ACP2: variants seen among roughly 807,000 people sequenced by gnomAD.
ACP2 encodes the protein acid phosphatase 2, lysosomal.
ACP2 carries 35 observed loss-of-function variants against 54.7 expected under a neutral mutation model. That is an observed-to-expected ratio of 0.64 (90% CI 0.49 to 0.85). ACP2 has a LOEUF of 0.85. Among genes scored for constraint, ACP2 ranks in the 40% least tolerant of loss-of-function variants. The pLI is 0.00. For missense variants in ACP2, 492 were observed against 565.0 expected (o/e 0.87, Z 1.31); for synonymous variants, 210 against 224.4 (o/e 0.94, Z 0.57).
Position 47,246,119 on chromosome 11 carries a change from A to G in ACP2, c.298-285T>C, listed in dbSNP as rs1182533242. On this transcript the variant is annotated intron_variant, in intron 3 of 10. Transcript: ENST00000672073. ...CACTCTGTGAAGAACTCTTGTGGGA[A>G]TGGCCTTAGTTGAAATGCCCCTTCC... 2.0e-5 allele frequency among the ~76,000 whole-genome samples: 3 copies of G among 152,296 alleles called. No homozygotes were observed. The East Asian group carries it at 5.8e-4, about 29-fold the overall frequency.
intron 8 of ACP2, 32 bp downstream of exon 8, chr11:47,243,207 G>A: frequency 6.2e-7 from 1 of 1,613,754 alleles, no homozygotes; most frequent in South Asian, 1.1e-5. Context: ...CTCCTTGCCT[G>A]ACACAGCACG....
chr11:47,245,894 T>C (rs1954060341), intron 3 of ACP2, 60 bp from the exon 4 acceptor site: 6 of 1,172,462 alleles, frequency 5.1e-6, no homozygotes, highest in South Asian at 1.8e-5. Flanking sequence ...GTTGGGGAAG[T>C]TTTGGTCACC....
In ACP2 at chr11:47,245,448, T is replaced by C. The variant is rs1954032621; in HGVS notation, c.549+26A>G. On this transcript the variant is annotated intron_variant, in intron 5 of 10. Transcript: ENST00000672073. Reference sequence around the variant, plus strand: ...CTGCTCTGGGGAAAAGACAGCGTGGTGAGCTGCACCTCTGCCCCCACTCAC... The same window carrying C: ...CTGCTCTGGGGAAAAGACAGCGTGGCGAGCTGCACCTCTGCCCCCACTCAC... 4 of 1,614,070 alleles carry C rather than the reference T, an allele frequency of 2.5e-6. No homozygotes were observed. The African/African-American group carries it at 4.0e-5, about 16-fold the overall frequency.
intron 1 of ACP2, chr11:47,248,359 G>A (rs1954296052): frequency 4.5e-6 from 6 of 1,324,914 alleles, no homozygotes; most frequent in Non-Finnish European, 6.2e-6. Flanking sequence ...GGTACAGGTA[G>A]GAAGGGAAAA....
In ACP2 at chr11:47,245,545, G is replaced by C. The variant is rs1232431082; in HGVS notation, c.478C>G (p.Pro160Ala). 1.2e-6 allele frequency: 2 copies of C among 1,614,210 alleles called. No homozygotes were observed. Among genetic ancestry groups the C allele is most frequent in the Non-Finnish European group, 1.7e-6 (2 of 1,180,036 alleles). Reference sequence around the variant, plus strand: ...TCGTTCTGCAGCTGCTCATAACGGGGACATGGGCCCAACGGGAACTTCAGC... The same window carrying C: ...TCGTTCTGCAGCTGCTCATAACGGGCACATGGGCCCAACGGGAACTTCAGC... ...RLLKFPLGPC[P>A]RYEQLQNETR... The change falls in exon 5 of 11, where the codon CCC becomes GCC. Residue 160 changes from proline to alanine, a missense_variant. Physicochemically the swap from Pro to Ala is conservative, Grantham distance 27. Transcript: ENST00000672073.
chr11:47,244,121 A>C (rs1459326886), intron 7 of ACP2, among the ~76,000 whole-genome samples: 1 of 151,208 alleles, frequency 6.6e-6, no homozygotes, highest in Non-Finnish European at 1.5e-5. Context: ...TGGGTGACAG[A>C]GCAAGACTCT....
intron 3 of ACP2, among the ~76,000 whole-genome samples, chr11:47,247,104 C>T (rs1954152233): frequency 6.6e-6 from 1 of 152,140 alleles, no homozygotes; most frequent in South Asian, 2.1e-4. Context: ...CACCAGTCCT[C>T]CCTGATGTGC....
intron 10 of ACP2, among the ~76,000 whole-genome samples, chr11:47,240,690 G>C (rs1023147835): frequency 6.6e-6 from 1 of 152,120 alleles, no homozygotes; most frequent in African/African-American, 2.4e-5. Context: ...GCATGGTGGT[G>C]TGCACCTGTA....
chr11:47,245,356 T>C lies in ACP2; in HGVS notation c.588A>G (p.Thr196=). The C allele has an allele frequency of 6.2e-7, 1 of 1,614,158 alleles. No homozygotes were observed. ...TCCAGACGGTCTCCAGTGTCAGGTC[T>C]GTAAGCCCTGTCTCGTTGGCCACCA... ...LDMVANETGL[T]DLTLETVWNV... The change falls in exon 6 of 11, where the codon ACA becomes ACG. Residue 196 remains threonine, a synonymous_variant. Coordinates refer to ENST00000672073, the MANE Select transcript of ACP2 (RefSeq NM_001610.4).
chr11:47,244,620 T>C (rs1953985491), intron 7 of ACP2, 115 bp downstream of exon 7: 2 of 782,474 alleles, frequency 2.6e-6, no homozygotes, highest in Admixed American at 5.4e-5. Context: ...GATTTGGTTT[T>C]GAAAGAGCAG....
Position 47,248,153 on chromosome 11 carries a change from T to G in ACP2, c.115-20A>C. ...GTACAGCTGAGAGAATAAAATGGTT[T>G]GCCTATAGGTCAGAAGCATCCCCTT... On this transcript the variant is annotated intron_variant, in intron 1 of 10. Coordinates refer to ENST00000672073, the MANE Select transcript of ACP2 (RefSeq NM_001610.4). 6.3e-7 allele frequency: 1 copy of G among 1,578,960 alleles called. No homozygotes were observed. Among genetic ancestry groups the G allele is most frequent in the Non-Finnish European group, 8.6e-7 (1 of 1,165,042 alleles).
At chr11:47,242,230 T>C (rs1199435236) in intron 10 of ACP2, among the ~76,000 whole-genome samples, 5 of 152,202 alleles carry the variant, frequency 3.3e-5, no homozygotes, top group Non-Finnish European at 7.3e-5. Context: ...GACACAAGAC[T>C]GTCTAATGTG....
rs1953823877 is a variant in ACP2 at position 47,239,892 on chromosome 11, A to C, written c.*224T>G. 1 of 537,518 alleles carries C rather than the reference A, an allele frequency of 1.9e-6. No individual in the cohort carries two copies. Among genetic ancestry groups the C allele is most frequent in the African/African-American group, 1.9e-5 (1 of 52,256 alleles). The allele number at this position is 537,518 out of a possible 1,614,324, so 33.3% of individuals were successfully genotyped here. ...CGTGGAGGAGGCAAATCCTGTTTGG[A>C]GAAAGCCAGTGTCCAACACAGCACT... On this transcript the variant is annotated 3_prime_UTR_variant, in exon 11 of 11. Coordinates refer to ENST00000672073, the MANE Select transcript of ACP2 (RefSeq NM_001610.4).
At position 47,239,815 on chromosome 11, in the gene ACP2, T is replaced by C. The variant is rs1473404313; in HGVS notation, c.*301A>G. On this transcript the variant is annotated 3_prime_UTR_variant, in exon 11 of 11. Transcript: ENST00000672073. ...CACCAACTCTGCCATTTTCTAATCC[T>C]AGGTCCTGAGTGAACACTGACTGCC... 5.8e-6 allele frequency: 2 copies of C among 345,914 alleles called. No individual in the cohort carries two copies. 21.4% of individuals were successfully genotyped at this position (345,914 alleles called of 1,614,324 possible). A position where few individuals can be genotyped will look rare whatever the true frequency, so the allele number is the denominator to read the frequency against.
chr11:47,244,723 C>T lies in ACP2; in HGVS notation c.772+12G>A. 1 of 1,594,990 alleles carries T rather than the reference C, an allele frequency of 6.3e-7. No individual in the cohort carries two copies. The highest frequency in any genetic ancestry group is 8.6e-7 in the Non-Finnish European group (1 of 1,168,008). On this transcript the variant is annotated intron_variant, in intron 7 of 10. Transcript: ENST00000672073. ...CTGAGGAGTAGAGTGACACGCTGTC[C>T]TTGTCACTCACCCCCCTGAAGCCGG...
chr11:47,240,090 G>A lies in ACP2; in HGVS notation c.*26C>T, dbSNP rs749519376. On this transcript the variant is annotated 3_prime_UTR_variant, in exon 11 of 11. Coordinates refer to ENST00000672073, the MANE Select transcript of ACP2 (RefSeq NM_001610.4). Reference sequence around the variant, plus strand: ...GGGCCCAGCCCACCTCCCCTAGGAGGTGGAGGGAAGGGGGCTGAGTGGTTG... The same window carrying A: ...GGGCCCAGCCCACCTCCCCTAGGAGATGGAGGGAAGGGGGCTGAGTGGTTG... 5.8e-5 allele frequency: 94 copies of A among 1,607,834 alleles called. No individual in the cohort carries two copies. Among genetic ancestry groups the A allele is most frequent in the Non-Finnish European group, 7.6e-5 (89 of 1,177,378 alleles).
Position 47,248,724 on chromosome 11 carries a change from C to G in ACP2, c.66G>C (p.Leu22=). 1 of 1,611,766 alleles carries G rather than the reference C, an allele frequency of 6.2e-7. No individual in the cohort carries two copies. The highest frequency in any genetic ancestry group is 8.5e-7 in the Non-Finnish European group (1 of 1,179,188). Residue 22 remains leucine, a synonymous_variant, in exon 1 of 11, where the codon CTG becomes CTC. Transcript: ENST00000672073. ...ALLQLLLGVN[L]VVMPPTRARS... ...GGGCCCGGGTGGGCGGCATCACCACCAGGTTCACGCCGAGAAGGAGCTGGA... is the reference window on the plus strand; with the variant it reads ...GGGCCCGGGTGGGCGGCATCACCACGAGGTTCACGCCGAGAAGGAGCTGGA...
Position 47,245,305 on chromosome 11 carries a change from C to T in ACP2, c.639G>A (p.Glu213=). 1 of 1,614,068 alleles carries T rather than the reference C, an allele frequency of 6.2e-7. No individual in the cohort carries two copies. Residue 213 remains glutamate (E), a splice_region_variant and synonymous_variant, in exon 6 of 11, where the codon GAG becomes GAA. Transcript: ENST00000672073. ...ACAGTGGGCACCCTAGTGGGCTCACCTCACAGAAGAGTGTGTCATAGACAT... is the reference window on the plus strand; with the variant it reads ...ACAGTGGGCACCCTAGTGGGCTCACTTCACAGAAGAGTGTGTCATAGACAT... ...VWNVYDTLFC[E]QTHGLRLPPW...
chr11:47,244,046 A>G (rs1440372430), intron 7 of ACP2, among the ~76,000 whole-genome samples: 6 of 152,036 alleles, frequency 3.9e-5, no homozygotes, highest in Admixed American at 6.6e-5. Context: ...CTGAGGCGGG[A>G]GAATCGCTTG....
Sources: gnomAD v4.1 joint callset for allele counts (sites outside exome capture counted in the v4.1 genomes callset) on GRCh38, gnomAD v4.1.1 for gene constraint, MANE v1.5 for transcripts, NCBI Gene and HGNC (gene_info 2026-07-23, HGNC 2026-07-21) for gene names.